The following NT5DC1 variants were observed in gnomAD, a reference collection of about 807,000 sequenced individuals.
NT5DC1 encodes the protein 5'-nucleotidase domain-containing protein 1.
NT5DC1 carries 42 observed loss-of-function variants against 59.4 expected under a neutral mutation model. The observed-to-expected ratio is 0.71, with a 90% confidence interval of 0.55 to 0.92. The LOEUF is 0.92. Ranked by LOEUF, NT5DC1 falls within the 40% of genes least tolerant of loss-of-function variation. The pLI, the probability that NT5DC1 is intolerant of heterozygous loss-of-function variation, is 0.00. For synonymous variants in NT5DC1, 172 were observed against 188.1 expected, an observed-to-expected ratio of 0.91 and a Z score of 0.70; for missense variants, 501 against 537.1, an observed-to-expected ratio of 0.93 and a Z score of 0.66.
At chr6:116,160,147 G>A (rs947560671) in intron 6 of NT5DC1, among the ~76,000 whole-genome samples, 1 of 152,090 alleles carries the variant, frequency 6.6e-6, no homozygotes, top group African/African-American at 2.4e-5. Context: ...GGGGTTGCTG[G>A]ATCAAAGGGT....
At chr6:116,204,296 A>G (rs1258390023) in intron 6 of NT5DC1, among the ~76,000 whole-genome samples, 2 of 151,992 alleles carry the variant, frequency 1.3e-5, no homozygotes, top group Non-Finnish European at 2.9e-5. Flanking sequence ...GCTTTTTGGT[A>G]ATTACTTCAT....
chr6:116,138,899 A>T (rs1779692683), intron 6 of NT5DC1, among the ~76,000 whole-genome samples: 1 of 152,158 alleles, frequency 6.6e-6, no homozygotes, highest in South Asian at 2.1e-4. Flanking sequence ...ATTTCCCCAT[A>T]AATCTTGATT....
At chr6:116,160,134 G>T (rs1341796845) in intron 6 of NT5DC1, among the ~76,000 whole-genome samples, 1 of 152,000 alleles carries the variant, frequency 6.6e-6, no homozygotes, top group Non-Finnish European at 1.5e-5. Flanking sequence ...TATACATAGT[G>T]GTGGGGTTGC....
chr6:116,107,495 A>C (rs1002055089), intron 2 of NT5DC1, among the ~76,000 whole-genome samples: 1 of 151,628 alleles, frequency 6.6e-6, no homozygotes, highest in Non-Finnish European at 1.5e-5. Flanking sequence ...AGTCTTTTAC[A>C]GTAAAGGAGC....
intron 1 of NT5DC1, among the ~76,000 whole-genome samples, chr6:116,101,827 A>C (rs1438390249): frequency 6.6e-6 from 1 of 152,166 alleles, no homozygotes; most frequent in African/African-American, 2.4e-5. Flanking sequence ...AAAAGTTACC[A>C]GATTTTTTTA....
chr6:116,145,264 T>C (rs1779869219), intron 6 of NT5DC1, among the ~76,000 whole-genome samples: 1 of 152,122 alleles, frequency 6.6e-6, no homozygotes, highest in Admixed American at 6.5e-5. Flanking sequence ...AAAGGTGTGA[T>C]ATGATAAAAA....
In NT5DC1 at chr6:116,101,041, C is replaced by G; in HGVS notation, c.93+18C>G. ...GCGCCCCGGTGAGTGGCGCGGGCTCCGGGGCGCACTGCGCGCAACCTCCAT... is the reference window on the plus strand; with the variant it reads ...GCGCCCCGGTGAGTGGCGCGGGCTCGGGGGCGCACTGCGCGCAACCTCCAT... On this transcript the variant is annotated intron_variant, in intron 1 of 11. Transcript: ENST00000319550. The G allele has an allele frequency of 6.4e-7, 1 of 1,555,566 alleles. No individual in the cohort carries two copies. Among genetic ancestry groups the G allele is most frequent in the Admixed American group, 1.8e-5 (1 of 57,128 alleles).
chr6:116,151,902 C>T (rs1780051124), intron 6 of NT5DC1, among the ~76,000 whole-genome samples: 1 of 152,140 alleles, frequency 6.6e-6, no homozygotes, highest in Non-Finnish European at 1.5e-5. Flanking sequence ...AACACTGATG[C>T]ATTTATTTTG....
At chr6:116,209,066 A>G (rs1781519706) in intron 6 of NT5DC1, among the ~76,000 whole-genome samples, 1 of 152,030 alleles carries the variant, frequency 6.6e-6, no homozygotes, top group Admixed American at 6.6e-5. Context: ...TAAATTGATG[A>G]TTTTATTATT....
At chr6:116,163,035 G>A (rs1780373415) in intron 6 of NT5DC1, among the ~76,000 whole-genome samples, 1 of 150,580 alleles carries the variant, frequency 6.6e-6, no homozygotes, top group South Asian at 2.1e-4. Flanking sequence ...GCTGAGGCAG[G>A]AGAATGGCGT....
chr6:116,151,648 A>G (rs1780041837), intron 6 of NT5DC1, among the ~76,000 whole-genome samples: 1 of 152,234 alleles, frequency 6.6e-6, no homozygotes, highest in Non-Finnish European at 1.5e-5. Context: ...TATTGGATTT[A>G]GGGTTACATT....
chr6:116,113,155 A>G lies in NT5DC1; in HGVS notation c.364+2199A>G, dbSNP rs186789479. Among the ~76,000 whole-genome samples, 142 of 152,342 alleles carry G rather than the reference A, an allele frequency of 9.3e-4. 1 individual carries two copies. Among genetic ancestry groups the G allele is most frequent in the Non-Finnish European group, 5.9e-5 (4 of 68,024 alleles). Reference sequence around the variant, plus strand: ...TGGAAATCACAAGGGGCTTAGTGCCAAACAGTCCTGGATCATATTAGCTCT... The same window carrying G: ...TGGAAATCACAAGGGGCTTAGTGCCGAACAGTCCTGGATCATATTAGCTCT... On this transcript the variant is annotated intron_variant, in intron 4 of 11. Transcript: ENST00000319550.
intron 6 of NT5DC1, among the ~76,000 whole-genome samples, chr6:116,190,424 A>G (rs886765794): frequency 7.2e-5 from 11 of 152,084 alleles, no homozygotes; most frequent in South Asian, 2.1e-4. Context: ...AAATGTGGAT[A>G]GTTACTTGGA....
In NT5DC1 at chr6:116,221,103, T is replaced by C. The variant is rs746363421; in HGVS notation, c.579T>C (p.Tyr193=). ...FPEIKRDPGR[Y]LHSCPESVKK... Reference sequence around the variant, plus strand: ...AAATAAAAAGAGATCCAGGCAGATATTTACATAGTTGTCCTGAATCTGTGA... The same window carrying C: ...AAATAAAAAGAGATCCAGGCAGATACTTACATAGTTGTCCTGAATCTGTGA... The change falls in exon 7 of 12, where the codon TAT becomes TAC. Residue 193 remains tyrosine, a synonymous_variant. Coordinates refer to ENST00000319550, the MANE Select transcript of NT5DC1 (RefSeq NM_152729.3). 5.3e-5 allele frequency: 83 copies of C among 1,569,190 alleles called. 2 individuals carry two copies. In the South Asian group the frequency reaches 8.1e-4, roughly 15 times the overall value.
At chr6:116,231,106 C>CAAAA (rs34948626) in intron 8 of NT5DC1, among the ~76,000 whole-genome samples, 5 of 69,964 alleles carry the variant, frequency 7.1e-5, no homozygotes, top group South Asian at 7.6e-4. Flanking sequence ...AACTCCGTCT[C>CAAAA]AAAAAAAAAA....
chr6:116,120,429 G>A, intron 6 of NT5DC1: 1 of 1,614,220 alleles, frequency 6.2e-7, no homozygotes, highest in Non-Finnish European at 8.5e-7. Context: ...CCTATTGCTG[G>A]GTAAGCTTTG....
chr6:116,131,096 C>T (rs1339126288), intron 6 of NT5DC1, among the ~76,000 whole-genome samples: 1 of 151,984 alleles, frequency 6.6e-6, no homozygotes, highest in Non-Finnish European at 1.5e-5. Flanking sequence ...CATATGTTTT[C>T]TCTGGTGTTC....
At chr6:116,104,029 A>G (rs1778716184) in intron 1 of NT5DC1, among the ~76,000 whole-genome samples, 1 of 152,210 alleles carries the variant, frequency 6.6e-6, no homozygotes, top group Admixed American at 6.5e-5. Flanking sequence ...TGGCAACTGC[A>G]GTAGAACGTG....
At chr6:116,138,134 T>C (rs1582827635) in intron 6 of NT5DC1, among the ~76,000 whole-genome samples, 1 of 152,200 alleles carries the variant, frequency 6.6e-6, no homozygotes, top group East Asian at 1.9e-4. Context: ...TAAGATCTTA[T>C]GTGCTAGATC....
Sources: allele counts gnomAD v4.1 joint callset (sites outside exome capture counted in the v4.1 genomes callset), GRCh38; gene constraint gnomAD v4.1.1; transcripts MANE v1.5; gene names NCBI Gene and HGNC (gene_info 2026-07-23, HGNC 2026-07-21).